Variants in C2CD3 observed in about 807,000 individuals in gnomAD.
The protein encoded by C2CD3 is C2 domain containing 3 centriole elongation regulator, also known as C2 domain-containing protein 3.
A neutral mutation model predicts 234.0 loss-of-function variants in C2CD3; 148 were observed. That is an observed-to-expected ratio of 0.63 (90% confidence interval 0.55 to 0.72). The LOEUF is 0.72. C2CD3 is among the 30% of genes least tolerant of loss of function. The pLI is 0.00. For synonymous variants in C2CD3, 1,000 were observed against 1,035.4 expected, an observed-to-expected ratio of 0.97 and a Z score of 0.66; for missense variants, 2,577 against 2,811.5, an observed-to-expected ratio of 0.92 and a Z score of 1.89.
chr11:74,113,671 C>T (rs781187954), intron 11 of C2CD3, 109 bp downstream of exon 11: 30 of 747,082 alleles, frequency 4.0e-5, no homozygotes, highest in Non-Finnish European at 6.6e-5. Flanking sequence ...AAGAGTGAGA[C>T]TCCATGTCAA....
chr11:74,139,670 G>T lies in C2CD3; in HGVS notation c.642C>A (p.Asp214Glu). Residue 214 changes from aspartate to glutamate, a missense_variant, in exon 4 of 33, where the codon GAC becomes GAA. Asp to Glu is a conservative substitution (Grantham distance 45). Transcript: ENST00000334126. ...TTCCATCAATTTTGATGGTATGTAT[G>T]TCGCGAGGCCTTGATGGAACCTGAA... The part of the protein sequence containing the change: ...TQFQVPSRPR[D>E]IHTIKIDGKE... 3.1e-6 allele frequency: 5 copies of T among 1,613,948 alleles called. No individual in the cohort carries two copies. In the South Asian group the frequency reaches 4.4e-5, roughly 14 times the overall value.
intron 9 of C2CD3, 118 bp downstream of exon 9, chr11:74,118,110 G>T: frequency 1.5e-6 from 1 of 666,910 alleles, no homozygotes; most frequent in Non-Finnish European, 2.5e-6. Flanking sequence ...TGTTTACTGA[G>T]TTATTGTAAT....
At chr11:74,039,861 T>A (rs1952936463) in intron 29 of C2CD3, among the ~76,000 whole-genome samples, 1 of 152,156 alleles carries the variant, frequency 6.6e-6, no homozygotes, top group Non-Finnish European at 1.5e-5. Context: ...TTTAAGTGGG[T>A]TCCAAATAGG....
chr11:74,146,890 T>C (rs1055521130), intron 3 of C2CD3, among the ~76,000 whole-genome samples: 1 of 151,832 alleles, frequency 6.6e-6, no homozygotes, highest in African/African-American at 2.4e-5. Flanking sequence ...CTGCCTCTGC[T>C]AAAAATACAA....
chr11:74,015,836 G>T (rs763518243), intron 32 of C2CD3, among the ~76,000 whole-genome samples: 2 of 151,710 alleles, frequency 1.3e-5, no homozygotes, highest in Non-Finnish European at 2.9e-5. Flanking sequence ...GGAGGCCAAG[G>T]CAGGGGGATC....
chr11:74,153,655 C>G (rs2135560447), intron 3 of C2CD3, among the ~76,000 whole-genome samples: 1 of 152,182 alleles, frequency 6.6e-6, no homozygotes, highest in South Asian at 2.1e-4. Flanking sequence ...CAACAAAAAT[C>G]CCAGCAGATA....
At chr11:74,146,448 T>C (rs1214144628) in intron 3 of C2CD3, among the ~76,000 whole-genome samples, 2 of 152,162 alleles carry the variant, frequency 1.3e-5, no homozygotes, top group African/African-American at 4.8e-5. Context: ...AAAGTATCAA[T>C]GAGAACTTTT....
chr11:74,046,228 C>G (rs1953367456), intron 28 of C2CD3, among the ~76,000 whole-genome samples: 1 of 152,198 alleles, frequency 6.6e-6, no homozygotes, highest in East Asian at 1.9e-4. Flanking sequence ...CAATTCCTTC[C>G]TCCTTTCCTC....
chr11:74,106,075 A>C (rs1956505384), intron 13 of C2CD3, among the ~76,000 whole-genome samples: 2 of 152,000 alleles, frequency 1.3e-5, no homozygotes, highest in Admixed American at 1.3e-4. Context: ...TGCACCTGTT[A>C]TTCTCTCTGG....
At chr11:74,019,715 C>T (rs1685337) in intron 32 of C2CD3, among the ~76,000 whole-genome samples, 11,822 of 151,926 alleles carry the variant, frequency 0.078, 1,451 homozygotes, top group African/African-American at 0.26. Context: ...TTCACTCTGT[C>T]GCCCAGGCTG....
chr11:74,094,085 T>C, intron 17 of C2CD3, 86 bp from the exon 18 acceptor site: 1 of 1,094,672 alleles, frequency 9.1e-7, no homozygotes, highest in Non-Finnish European at 1.3e-6. Flanking sequence ...TGAATATTAC[T>C]TAGTAATTCC....
intron 3 of C2CD3, among the ~76,000 whole-genome samples, chr11:74,150,756 T>TA (rs1855589904): frequency 1.3e-5 from 2 of 152,052 alleles, no homozygotes; most frequent in African/African-American, 4.8e-5. Flanking sequence ...TAAAAAAACA[T>TA]AAACACCATA....
In C2CD3 at chr11:74,143,170, T is replaced by C. The variant is rs1267880024; in HGVS notation, c.484-3342A>G. ...TTCTCACATCCGTAAGAGAACAACC[T>C]TAAGGACACTCATCAGTCTTCTAGC... On this transcript the variant is annotated intron_variant, in intron 3 of 32. Transcript: ENST00000334126. 2.0e-5 allele frequency among the ~76,000 whole-genome samples: 3 copies of C among 152,122 alleles called. No individual in the cohort carries two copies. The East Asian group carries it at 5.8e-4, about 29-fold the overall frequency.
At position 74,033,958 on chromosome 11, in the gene C2CD3, T is replaced by C. The variant is rs1212517116; in HGVS notation, c.6202A>G (p.Ile2068Val). 48 of 1,536,276 alleles carry C rather than the reference T, an allele frequency of 3.1e-5. No individual in the cohort carries two copies. The highest frequency in any genetic ancestry group is 4.2e-5 in the Non-Finnish European group (48 of 1,146,960). Residue 2068 changes from isoleucine to valine, a missense_variant, in exon 31 of 33, where the codon ATC becomes GTC. Coordinates refer to ENST00000334126, the MANE Select transcript of C2CD3 (RefSeq NM_001286577.2). ...AYSDEDYEEDIIEPRTLNEIT... is the reference protein window; with the variant it reads ...AYSDEDYEEDVIEPRTLNEIT... ...TCATTTAAGGTCCTGGGCTCAATGA[T>C]GTCTTCTTCATAGTCCTCATCACTG...
chr11:74,159,383 T>C (rs1001202684), intron 3 of C2CD3, among the ~76,000 whole-genome samples: 8 of 152,150 alleles, frequency 5.3e-5, no homozygotes, highest in Non-Finnish European at 1.2e-4. Flanking sequence ...GAAGGCACTG[T>C]TATCATAGGA....
Position 74,034,350 on chromosome 11 carries a change from T to C in C2CD3, c.5882-72A>G, listed in dbSNP as rs17132610. The C allele has an allele frequency of 0.033, 49,266 of 1,481,252 alleles. 4,156 individuals are homozygous for C. Among genetic ancestry groups the C allele is most frequent in the African/African-American group, 0.33 (23,239 of 71,238 alleles). 91.8% of individuals were successfully genotyped at this position (1,481,252 alleles called of 1,614,324 possible). ...CCCCTCAAATTTCCCACACTAGCCT[T>C]TAGCTTCAGAAGCACTATGGCAATC... On this transcript the variant is annotated intron_variant, in intron 30 of 32. Coordinates refer to ENST00000334126, the MANE Select transcript of C2CD3 (RefSeq NM_001286577.2).
rs141095043 is a variant in C2CD3, at chr11:74,127,227, G to C, written c.1218-4092C>G. 2.6e-4 allele frequency among the ~76,000 whole-genome samples: 40 copies of C among 152,262 alleles called. No homozygotes were observed. In the East Asian group the frequency reaches 7.0e-3, roughly 27 times the overall value. On this transcript the variant is annotated intron_variant, in intron 7 of 32. Coordinates refer to ENST00000334126, the MANE Select transcript of C2CD3 (RefSeq NM_001286577.2). ...TCCCCCTGTTGCCCAGGCTGGTCTT[G>C]AACTCCTGAGCTAAAGCGATTCTCC...
At chr11:74,052,773 C>T (rs529111033) in intron 26 of C2CD3, among the ~76,000 whole-genome samples, 1 of 152,282 alleles carries the variant, frequency 6.6e-6, no homozygotes, top group East Asian at 1.9e-4. Context: ...CTCACAGCAG[C>T]ACTCACCAAC....
intron 22 of C2CD3, among the ~76,000 whole-genome samples, chr11:74,080,723 C>T (rs925080909): frequency 6.6e-6 from 1 of 152,126 alleles, no homozygotes; most frequent in African/African-American, 2.4e-5. Context: ...CCAGATGGTG[C>T]TTGTTCTCTC....
Sources: allele counts gnomAD v4.1 joint callset (sites outside exome capture counted in the v4.1 genomes callset), GRCh38; gene constraint gnomAD v4.1.1; transcripts MANE v1.5; gene names NCBI Gene and HGNC (gene_info 2026-07-23, HGNC 2026-07-21).